The following PLCXD3 variants were observed in gnomAD, a reference collection of about 807,000 sequenced individuals.
PLCXD3 encodes the protein phosphatidylinositol specific phospholipase C X domain containing 3, also known as PI-PLC X domain-containing protein 3.
Under a neutral mutation model 25.5 loss-of-function variants are expected in PLCXD3, and 19 were observed. The observed-to-expected ratio is 0.75, with a 90% confidence interval of 0.52 to 1.09. The LOEUF (loss-of-function observed/expected upper bound fraction) is 1.09, where lower values mean the gene tolerates loss of function less well. Ranked by LOEUF, PLCXD3 falls within the 50% of genes least tolerant of loss-of-function variation. The pLI is 0.00. For missense variants in PLCXD3, 411 were observed against 388.1 expected, an observed-to-expected ratio of 1.06 and a Z score of -0.50; for synonymous variants, 174 against 137.6, an observed-to-expected ratio of 1.26 and a Z score of -1.85.
At chr5:41,453,410 T>G (rs1399754978) in intron 1 of PLCXD3, among the ~76,000 whole-genome samples, 1 of 151,784 alleles carries the variant, frequency 6.6e-6, no homozygotes, top group Non-Finnish European at 1.5e-5. Context: ...TCTTTATTCT[T>G]TCATAGGCCT....
At chr5:41,465,514 G>A (rs1407695936) in intron 1 of PLCXD3, among the ~76,000 whole-genome samples, 1 of 151,706 alleles carries the variant, frequency 6.6e-6, no homozygotes, top group Non-Finnish European at 1.5e-5. Flanking sequence ...AATTCAGCAT[G>A]TGCTCAATGT....
chr5:41,497,872 G>A (rs1055892206), intron 1 of PLCXD3, among the ~76,000 whole-genome samples: 1 of 151,602 alleles, frequency 6.6e-6, no homozygotes, highest in African/African-American at 2.4e-5. Context: ...ACCACAACTA[G>A]AAATCAATAT....
In PLCXD3 at chr5:41,344,522, A is replaced by T. The variant is rs556448342; in HGVS notation, c.813-30752T>A. Among the ~76,000 whole-genome samples, 6 of 152,246 alleles carry T rather than the reference A, an allele frequency of 3.9e-5. No homozygotes were observed. In the South Asian group the frequency reaches 1.2e-3, roughly 31 times the overall value. On this transcript the variant is annotated intron_variant, in intron 2 of 2. Transcript: ENST00000377801. ...TATTTTTGTTATAAGTTTTATATTC[A>T]TAACAGTTCCCATTATTTTGCTCTT...
chr5:41,357,278 G>A (rs1744645891), intron 2 of PLCXD3, among the ~76,000 whole-genome samples: 1 of 152,158 alleles, frequency 6.6e-6, no homozygotes, highest in East Asian at 1.9e-4. Flanking sequence ...TTGGTATAAA[G>A]CAATATAGCT....
intron 2 of PLCXD3, among the ~76,000 whole-genome samples, chr5:41,344,376 A>AT (rs1197861453): frequency 2.7e-4 from 41 of 152,110 alleles, no homozygotes; most frequent in African/African-American, 9.4e-4. Context: ...AACTTTTCAC[A>AT]TTTTTCAGTT....
chr5:41,490,554 C>A (rs1748639669), intron 1 of PLCXD3, among the ~76,000 whole-genome samples: 1 of 152,162 alleles, frequency 6.6e-6, no homozygotes, highest in African/African-American at 2.4e-5. Context: ...GGCTGTGAAT[C>A]CATCTGGTCC....
chr5:41,347,769 G>A (rs902075893), intron 2 of PLCXD3, among the ~76,000 whole-genome samples: 3 of 152,186 alleles, frequency 2.0e-5, no homozygotes, highest in Non-Finnish European at 4.4e-5. Flanking sequence ...TCAACTGGAG[G>A]CGCTATTATT....
chr5:41,456,442 G>T, intron 1 of PLCXD3: 1 of 524,362 alleles, frequency 1.9e-6, no homozygotes, highest in Non-Finnish European at 2.4e-6. Context: ...TTTTCTAAAA[G>T]AGATAAATTC....
At chr5:41,405,257 T>C (rs1425594857) in intron 1 of PLCXD3, among the ~76,000 whole-genome samples, 1 of 152,128 alleles carries the variant, frequency 6.6e-6, no homozygotes, top group Non-Finnish European at 1.5e-5. Flanking sequence ...GCAATATTTC[T>C]ACTTCCCATG....
intron 2 of PLCXD3, among the ~76,000 whole-genome samples, chr5:41,371,041 A>G (rs1745080203): frequency 6.6e-6 from 1 of 152,148 alleles, no homozygotes; most frequent in Non-Finnish European, 1.5e-5. Flanking sequence ...GTTGACTGAA[A>G]ATATAGCCTA....
chr5:41,483,264 A>G (rs1051790925), intron 1 of PLCXD3, among the ~76,000 whole-genome samples: 14 of 152,212 alleles, frequency 9.2e-5, no homozygotes, highest in African/African-American at 2.9e-4. Context: ...AAAATTTAAA[A>G]AAATCCCAGT....
chr5:41,442,407 A>G (rs1747405115), intron 1 of PLCXD3, among the ~76,000 whole-genome samples: 1 of 152,238 alleles, frequency 6.6e-6, no homozygotes, highest in South Asian at 2.1e-4. Context: ...TACACATTAA[A>G]GTAATAATAA....
chr5:41,485,604 C>A (rs1325079218), intron 1 of PLCXD3, among the ~76,000 whole-genome samples: 1 of 152,144 alleles, frequency 6.6e-6, no homozygotes, highest in African/African-American at 2.4e-5. Context: ...CACACTGAAG[C>A]TTTCCTGAGT....
chr5:41,321,723 C>A (rs377511582), intron 2 of PLCXD3, among the ~76,000 whole-genome samples: 1 of 152,176 alleles, frequency 6.6e-6, no homozygotes, highest in African/African-American at 2.4e-5. Context: ...GGCATAAAAA[C>A]AGACACATAG....
chr5:41,495,007 TG>T (rs1390993266), intron 1 of PLCXD3, among the ~76,000 whole-genome samples: 1 of 152,242 alleles, frequency 6.6e-6, no homozygotes, highest in Non-Finnish European at 1.5e-5. Flanking sequence ...CTTTCTGTCA[TG>T]GAGACACTGA....
chr5:41,405,759 T>C (rs1049710969), intron 1 of PLCXD3, among the ~76,000 whole-genome samples: 1 of 152,152 alleles, frequency 6.6e-6, no homozygotes, highest in Admixed American at 6.6e-5. Context: ...ATTGGTCCAA[T>C]TTTTTATTTG....
At chr5:41,335,798 A>G (rs1168253536) in intron 2 of PLCXD3, among the ~76,000 whole-genome samples, 1 of 152,104 alleles carries the variant, frequency 6.6e-6, no homozygotes, top group Non-Finnish European at 1.5e-5. Context: ...TTCCAGAATT[A>G]CTTGAAATCC....
intron 1 of PLCXD3, among the ~76,000 whole-genome samples, chr5:41,499,983 G>A (rs1382391681): frequency 2.6e-5 from 4 of 151,718 alleles, no homozygotes; most frequent in Non-Finnish European, 5.9e-5. Flanking sequence ...ATGTAAATTA[G>A]TACAGCCTCT....
chr5:41,356,247 C>A (rs192521338), intron 2 of PLCXD3, among the ~76,000 whole-genome samples: 132 of 152,262 alleles, frequency 8.7e-4, no homozygotes, highest in African/African-American at 3.1e-3. Flanking sequence ...GCCTGGGAGA[C>A]AAGAGCGAAA....
Sources: allele counts gnomAD v4.1 joint callset (sites outside exome capture counted in the v4.1 genomes callset), GRCh38; gene constraint gnomAD v4.1.1; transcripts MANE v1.5; gene names NCBI Gene and HGNC (gene_info 2026-07-23, HGNC 2026-07-21).